HDAC5: variants seen among roughly 807,000 people sequenced by gnomAD.
HDAC5 encodes histone deacetylase 5, also known as antigen NY-CO-9.
In HDAC5, 25 loss-of-function variants were observed where a neutral mutation model predicts 133.3. The observed-to-expected ratio is 0.19, with a 90% CI of 0.14 to 0.26. The LOEUF (loss-of-function observed/expected upper bound fraction) is 0.26, where lower values mean the gene tolerates loss of function less well. Ranked by LOEUF, HDAC5 falls within the 10% of genes least tolerant of loss-of-function variation. The pLI is 1.00. For synonymous variants in HDAC5, 589 were observed against 610.8 expected (o/e 0.96, Z 0.53); for missense variants, 1,041 against 1,460.5 (o/e 0.71, Z 4.68).
intron 15 of HDAC5, 115 bp downstream of exon 15, chr17:44,084,907 C>A: frequency 2.1e-6 from 3 of 1,406,108 alleles, no homozygotes; most frequent in Non-Finnish European, 2.9e-6. Flanking sequence ...GAGAACTGGC[C>A]CCGAAGTCTG....
intron 3 of HDAC5, among the ~76,000 whole-genome samples, chr17:44,099,161 C>T (rs1463997865): frequency 2.0e-5 from 3 of 152,130 alleles, no homozygotes; most frequent in Non-Finnish European, 4.4e-5. Flanking sequence ...GAAAGGTTCA[C>T]AGGGGAGGAC....
rs367820362 is a variant in HDAC5 at position 44,085,516 on chromosome 17, G to GT, written c.2051-362dup. On this transcript the variant is annotated intron_variant, in intron 14 of 26. Coordinates refer to ENST00000682912, the MANE Select transcript of HDAC5 (RefSeq NM_005474.5). ...CACTACCACACCTAGCTTTTCTTTT[G>GT]TTTTTTTTTGAGACAGAGTCTCGCT... 6.2e-3 allele frequency among the ~76,000 whole-genome samples: 925 copies of GT among 149,722 alleles called. 6 individuals carry two copies. The highest frequency in any genetic ancestry group is 8.6e-3 in the Non-Finnish European group (578 of 67,214).
rs573087344 is a variant in HDAC5, at chr17:44,078,483, T to G, written c.3329+17A>C. The G allele has an allele frequency of 4.9e-5, 78 of 1,597,214 alleles. No homozygotes were observed. The Middle Eastern group carries it at 5.0e-4, about 10-fold the overall frequency. Reference sequence around the variant, plus strand: ...AGCAGGGGTGAGGGCAGAGAGGTGGTGCGGGTTGCTGCTTACCTGGGGCTG... The same window carrying G: ...AGCAGGGGTGAGGGCAGAGAGGTGGGGCGGGTTGCTGCTTACCTGGGGCTG... On this transcript the variant is annotated intron_variant, in intron 26 of 26. Transcript: ENST00000682912.
At position 44,106,757 on chromosome 17, in the gene HDAC5, T is replaced by G. The variant is rs117199492; in HGVS notation, c.94+3972A>C. 7.2e-3 allele frequency among the ~76,000 whole-genome samples: 1,093 copies of G among 151,866 alleles called. 24 individuals carry two copies. The highest frequency in any genetic ancestry group is 0.045 in the Admixed American group (681 of 15,242). On this transcript the variant is annotated intron_variant, in intron 3 of 26. Transcript: ENST00000682912. ...AGGCATGCACCACGTCGGCTAATTT[T>G]TTGTATTTTTAGTAGAGACGGGGTT...
intron 1 of HDAC5, among the ~76,000 whole-genome samples, chr17:44,123,075 C>G (rs2053110550): frequency 6.6e-6 from 1 of 152,170 alleles, no homozygotes; most frequent in African/African-American, 2.4e-5. Flanking sequence ...CACCCCTCAC[C>G]TCAGAGTACC....
intron 2 of HDAC5, among the ~76,000 whole-genome samples, chr17:44,113,847 G>A (rs975763353): frequency 1.3e-5 from 2 of 152,214 alleles, no homozygotes; most frequent in African/African-American, 2.4e-5. Context: ...TCTGCTTAGT[G>A]TGCAGTGAAA....
At chr17:44,112,175 G>A (rs1286976694) in intron 2 of HDAC5, among the ~76,000 whole-genome samples, 1 of 152,112 alleles carries the variant, frequency 6.6e-6, no homozygotes, top group Non-Finnish European at 1.5e-5. Context: ...CAGGTACAAT[G>A]ACCCCTGTGC....
intron 3 of HDAC5, among the ~76,000 whole-genome samples, chr17:44,105,229 CA>C (rs1472051718): frequency 1.3e-5 from 2 of 152,162 alleles, no homozygotes; most frequent in Non-Finnish European, 2.9e-5. Context: ...CATCTGAGCC[CA>C]GGGGTGCAGG....
Position 44,093,369 on chromosome 17 carries a change from C to T in HDAC5, c.471G>A (p.Lys157=), listed in dbSNP as rs2051061177. Residue 157 remains lysine, a synonymous_variant, in exon 5 of 27, where the codon AAG becomes AAA. Transcript: ENST00000682912. ...REQQRQEELE[K]QRLEQQLLIL... ...TGAGCAGCTGCTGCTCCAGCCGCTG[C>T]TTCTCCAGCTCTTCCTGCCGCTGCT... The T allele has an allele frequency of 1.9e-6, 3 of 1,583,630 alleles. No individual in the cohort carries two copies. Among genetic ancestry groups the T allele is most frequent in the Non-Finnish European group, 2.6e-6 (3 of 1,168,556 alleles).
At chr17:44,100,823 TCTGTCGCCAGG>T (rs893994218) in intron 3 of HDAC5, among the ~76,000 whole-genome samples, 6 of 149,504 alleles carry the variant, frequency 4.0e-5, no homozygotes, top group Non-Finnish European at 7.4e-5. Flanking sequence ...GGAGTCTCGC[TCTGTCGCCAGG>T]CTGGAGTGCA....
intron 6 of HDAC5, 102 bp from the exon 7 acceptor site, chr17:44,092,908 A>C: frequency 1.5e-6 from 1 of 656,514 alleles, no homozygotes; most frequent in Non-Finnish European, 2.6e-6. Flanking sequence ...TCGTTTGTAT[A>C]TAGGAAGAGG....
intron 20 of HDAC5, 104 bp downstream of exon 20, chr17:44,082,481 G>T: frequency 1.1e-6 from 1 of 884,414 alleles, no homozygotes; most frequent in South Asian, 1.4e-5. Flanking sequence ...GGATGAGGAC[G>T]ACTGGGGTGC....
At chr17:44,122,131 C>T (rs2143691772) in intron 1 of HDAC5, among the ~76,000 whole-genome samples, 1 of 152,208 alleles carries the variant, frequency 6.6e-6, no homozygotes, top group South Asian at 2.1e-4. Flanking sequence ...CCCAACATGG[C>T]TCATCCACCA....
intron 1 of HDAC5, chr17:44,120,721 A>T (rs913611149): frequency 2.6e-5 from 4 of 151,868 alleles, no homozygotes; most frequent in African/African-American, 7.3e-5. Context: ...CGCCTGGGCA[A>T]TAAGAGTGAA....
chr17:44,086,293 A>T (rs2050644194), intron 14 of HDAC5, among the ~76,000 whole-genome samples: 1 of 152,226 alleles, frequency 6.6e-6, no homozygotes, highest in Admixed American at 6.5e-5. Context: ...TCAGGGCCCA[A>T]CAGGGACAGC....
chr17:44,114,494 G>A (rs572748204), intron 2 of HDAC5, among the ~76,000 whole-genome samples: 27 of 152,312 alleles, frequency 1.8e-4, no homozygotes, highest in Admixed American at 3.3e-4. Flanking sequence ...AAAGTGTGAA[G>A]GTTCTGGGAG....
chr17:44,102,521 C>G (rs1325952486), intron 3 of HDAC5, among the ~76,000 whole-genome samples: 1 of 149,890 alleles, frequency 6.7e-6, no homozygotes, highest in Non-Finnish European at 1.5e-5. Flanking sequence ...CCACCACACC[C>G]AGCTAATTTT....
At chr17:44,080,568 C>T (rs935564493) in intron 21 of HDAC5, 70 bp from the exon 22 acceptor site, 51 of 1,537,410 alleles carry the variant, frequency 3.3e-5, no homozygotes, top group Non-Finnish European at 4.3e-5. Flanking sequence ...CTGCCCTCAC[C>T]CCTGCCTCCA....
intron 2 of HDAC5, among the ~76,000 whole-genome samples, chr17:44,114,931 T>TA (rs1268815915): frequency 1.3e-5 from 2 of 152,002 alleles, no homozygotes; most frequent in African/African-American, 4.8e-5. Flanking sequence ...AAGAGGTAAA[T>TA]AAAGTCAAAG....
Sources: gnomAD v4.1 joint callset for allele counts (sites outside exome capture counted in the v4.1 genomes callset) on GRCh38, gnomAD v4.1.1 for gene constraint, MANE v1.5 for transcripts, NCBI Gene and HGNC (gene_info 2026-07-23, HGNC 2026-07-21) for gene names.